C19orf38: variants seen among roughly 807,000 people sequenced by gnomAD.
C19orf38 encodes chromosome 19 open reading frame 38.
C19orf38 carries 14 observed loss-of-function variants against 26.6 expected under a neutral mutation model. The observed-to-expected ratio is 0.53, with a 90% confidence interval of 0.35 to 0.82. The LOEUF (loss-of-function observed/expected upper bound fraction) is 0.82, where lower values mean the gene tolerates loss of function less well. Among genes scored for constraint, C19orf38 ranks in the 40% least tolerant of loss-of-function variants. C19orf38 has a pLI of 0.01. For synonymous variants in C19orf38, 132 were observed against 128.5 expected (o/e 1.03, Z -0.18); for missense variants, 261 against 299.5 (o/e 0.87, Z 0.95).
At chr19:10,844,710 T>C (rs541894756), upstream of C19orf38, among the ~76,000 whole-genome samples, 20 of 151,070 alleles carry the variant, frequency 1.3e-4, 1 homozygote, top group South Asian at 4.2e-3. Context: ...TAGCCGGGCG[T>C]GGTGGCGGTT....
upstream of C19orf38, among the ~76,000 whole-genome samples, chr19:10,846,089 GGAT>G (rs2146245118): frequency 6.6e-6 from 1 of 151,726 alleles, no homozygotes; most frequent in South Asian, 2.1e-4. Flanking sequence ...GGCTGAGATG[GGAT>G]GATCTCTTGA....
intron 1 of C19orf38, chr19:10,841,968 A>C: frequency 6.2e-7 from 1 of 1,610,092 alleles, no homozygotes; most frequent in Non-Finnish European, 8.5e-7. Context: ...CATCTTCAAA[A>C]TTTCAGGTCT....
At chr19:10,852,572 G>T (rs1225960677) in intron 2 of C19orf38, among the ~76,000 whole-genome samples, 1 of 152,170 alleles carries the variant, frequency 6.6e-6, no homozygotes, top group Non-Finnish European at 1.5e-5. Context: ...TGAATGATGA[G>T]GAGGAGCCAA....
chr19:10,847,773 C>T (rs976129185), upstream of C19orf38, among the ~76,000 whole-genome samples: 1 of 152,192 alleles, frequency 6.6e-6, no homozygotes, highest in Non-Finnish European at 1.5e-5. Flanking sequence ...ACCACCATGT[C>T]CTCCCACTCC....
upstream of C19orf38, among the ~76,000 whole-genome samples, chr19:10,845,160 C>CAA (rs200149496): frequency 2.5e-5 from 3 of 122,262 alleles, no homozygotes; most frequent in East Asian, 6.4e-4. Context: ...ACCTTGTCTC[C>CAA]AAAAAAAAAA....
chr19:10,854,753 G>A (rs1227556661), intron 2 of C19orf38, among the ~76,000 whole-genome samples: 1 of 151,988 alleles, frequency 6.6e-6, no homozygotes, highest in Non-Finnish European at 1.5e-5. Context: ...TGGATCTCAG[G>A]GTCTACCGTT....
chr19:10,854,696 G>T (rs1417098656), intron 2 of C19orf38, among the ~76,000 whole-genome samples: 2 of 152,120 alleles, frequency 1.3e-5, no homozygotes, highest in Non-Finnish European at 2.9e-5. Context: ...TGCTGAGAAG[G>T]TGACTCTGGA....
chr19:10,857,366 A>ATATATATATATATATT (rs1433358051), intron 3 of C19orf38, among the ~76,000 whole-genome samples: 7 of 56,070 alleles, frequency 1.2e-4, no homozygotes, highest in East Asian at 7.9e-4. Context: ...ATATATATAT[A>ATATATATATATATATT]TTTTTTTTTT....
intron 2 of C19orf38, among the ~76,000 whole-genome samples, chr19:10,850,852 C>A (rs1246624453): frequency 1.3e-5 from 2 of 152,112 alleles, no homozygotes; most frequent in Non-Finnish European, 2.9e-5. Flanking sequence ...TCTTCTCCGT[C>A]TTATTGTCAG....
intron 6 of C19orf38, among the ~76,000 whole-genome samples, chr19:10,865,401 C>T (rs1289223972): frequency 1.1e-4 from 16 of 152,200 alleles, no homozygotes. Context: ...CCCGCCTTGG[C>T]CTCCCAAAGT....
chr19:10,852,087 G>A (rs2073579078), intron 2 of C19orf38, among the ~76,000 whole-genome samples: 1 of 152,012 alleles, frequency 6.6e-6, no homozygotes, highest in South Asian at 2.1e-4. Flanking sequence ...GGGAGGCGGA[G>A]GTTACAGTGA....
intron 1 of C19orf38, among the ~76,000 whole-genome samples, chr19:10,838,162 A>G (rs1285522878): frequency 6.6e-6 from 1 of 152,176 alleles, no homozygotes; most frequent in African/African-American, 2.4e-5. Context: ...TGTAATCCCA[A>G]CACTTTTGGA....
intron 6 of C19orf38, among the ~76,000 whole-genome samples, chr19:10,865,250 G>A (rs973389588): frequency 5.9e-5 from 9 of 152,034 alleles, no homozygotes; most frequent in African/African-American, 1.7e-4. Flanking sequence ...GGATTCAAGC[G>A]ATTCTCCTGC....
At chr19:10,857,627 T>C (rs1293827551) in intron 3 of C19orf38, among the ~76,000 whole-genome samples, 2 of 151,462 alleles carry the variant, frequency 1.3e-5, no homozygotes, top group Non-Finnish European at 2.9e-5. Flanking sequence ...TTGTCCAGGA[T>C]GGCCCAGCAC....
chr19:10,851,885 G>A (rs997972992), intron 2 of C19orf38, among the ~76,000 whole-genome samples: 3 of 151,126 alleles, frequency 2.0e-5, no homozygotes, highest in African/African-American at 7.3e-5. Flanking sequence ...GGAGAATGGC[G>A]TGAACCCGGG....
chr19:10,860,147 C>T (rs1358010585), intron 5 of C19orf38, 189 bp downstream of exon 5: 1 of 607,932 alleles, frequency 1.6e-6, no homozygotes, highest in Non-Finnish European at 2.9e-6. Flanking sequence ...AGGTCACCTC[C>T]TCTGGGAAGC....
In C19orf38 at chr19:10,856,323, T is replaced by C. The variant is rs1436441156; in HGVS notation, c.399T>C (p.Ala133=). The change falls in exon 3 of 7, where the codon GCT becomes GCC. Residue 133 remains alanine (A), a synonymous_variant. Transcript: ENST00000397820. ...TGGCTGGTGCCCTCTTCCTCCTTGC[T>C]GGGCTGGTGGCTGTTGCCCTGGTGG... The part of the protein sequence containing the change: ...LSLAGALFLL[A]GLVAVALVVR... 2 of 1,551,356 alleles carry C rather than the reference T, an allele frequency of 1.3e-6. No individual in the cohort carries two copies. The highest frequency in any genetic ancestry group is 1.7e-6 in the Non-Finnish European group (2 of 1,146,704).
rs997456067 is a variant in C19orf38, at chr19:10,850,125, G to A, written c.32-134G>A. On this transcript the variant is annotated intron_variant, in intron 1 of 6. Transcript: ENST00000397820. ...CCGTCACCATGTGCCAGGCAGTGTG[G>A]GGTAGGGTCACTAGCCTCCTGACTC... is the stretch of plus-strand genomic sequence containing the variant. The A allele has an allele frequency of 5.1e-6, 4 of 781,576 alleles. No individual in the cohort carries two copies. In the Admixed American group the frequency reaches 1.2e-4, roughly 24 times the overall value. The allele number at this position is 781,576 out of a possible 1,614,324, so 48.4% of individuals were successfully genotyped here. A position where few individuals can be genotyped will look rare whatever the true frequency, so the allele number is the denominator to read the frequency against.
At chr19:10,863,110 G>A in intron 5 of C19orf38, 60 bp from the exon 6 acceptor site, 2 of 1,503,316 alleles carry the variant, frequency 1.3e-6, no homozygotes, top group African/African-American at 1.4e-5. Flanking sequence ...GGGGATGGCA[G>A]GGAGCAGGGA....
Sources: gnomAD v4.1 joint callset for allele counts (sites outside exome capture counted in the v4.1 genomes callset) on GRCh38, gnomAD v4.1.1 for gene constraint, MANE v1.5 for transcripts, NCBI Gene and HGNC (gene_info 2026-07-23, HGNC 2026-07-21) for gene names.